Variants in CLDN10 observed in about 807,000 individuals in gnomAD.
The protein encoded by CLDN10 is claudin-10.
CLDN10 carries 15 observed loss-of-function variants against 22.9 expected under a neutral mutation model. The ratio of observed to expected loss-of-function variants is 0.65; its 90% confidence interval spans 0.44 to 1.01. The LOEUF is 1.01. CLDN10 is among the 50% of genes least tolerant of loss of function. CLDN10 has a pLI of 0.00. For missense variants in CLDN10, 247 were observed against 287.8 expected (o/e 0.86, Z 1.03); for synonymous variants, 114 against 111.4 (o/e 1.02, Z -0.15).
chr13:95,513,432 G>A (rs1284531374), intron 1 of CLDN10, among the ~76,000 whole-genome samples: 1 of 152,108 alleles, frequency 6.6e-6, no homozygotes, highest in Admixed American at 6.5e-5. Flanking sequence ...TCTCACTAGA[G>A]GGGTTTAAAC....
intron 1 of CLDN10, among the ~76,000 whole-genome samples, chr13:95,522,845 G>C (rs1372473622): frequency 1.3e-5 from 2 of 151,820 alleles, no homozygotes; most frequent in Non-Finnish European, 2.9e-5. Context: ...GCCCTAAGTA[G>C]TTTGTCTAAT....
At chr13:95,493,632 C>A (rs1300722663) in intron 1 of CLDN10, among the ~76,000 whole-genome samples, 2 of 151,006 alleles carry the variant, frequency 1.3e-5, no homozygotes, top group African/African-American at 4.9e-5. Flanking sequence ...GATCTTGGCT[C>A]CACTGCAACC....
chr13:95,578,104 C>T lies in CLDN10; in HGVS notation c.*90C>T. 1.5e-6 allele frequency: 1 copy of T among 655,418 alleles called. No individual in the cohort carries two copies. Among genetic ancestry groups the T allele is most frequent in the South Asian group, 2.1e-5 (1 of 48,620 alleles). 40.6% of individuals were successfully genotyped at this position (655,418 alleles called of 1,614,324 possible). A position where few individuals can be genotyped will look rare whatever the true frequency, so the allele number is the denominator to read the frequency against. On this transcript the variant is annotated 3_prime_UTR_variant, in exon 5 of 5. Transcript: ENST00000299339. ...CATCAAGGCCCTCCCATAATTAACA[C>T]TCAAAACTATTTTTAAAATATGCAT...
chr13:95,525,047 C>T (rs538220224), intron 1 of CLDN10, among the ~76,000 whole-genome samples: 5 of 151,818 alleles, frequency 3.3e-5, no homozygotes, highest in East Asian at 1.9e-4. Context: ...TTAGTAGAGA[C>T]GGGGTTTCTC....
intron 1 of CLDN10, among the ~76,000 whole-genome samples, chr13:95,477,355 G>T (rs1321098240): frequency 6.6e-6 from 1 of 152,148 alleles, no homozygotes; most frequent in Non-Finnish European, 1.5e-5. Context: ...TCAGATACCT[G>T]GTCCTGGGTG....
intron 3 of CLDN10, among the ~76,000 whole-genome samples, chr13:95,571,147 C>A (rs2043853445): frequency 6.6e-6 from 1 of 152,014 alleles, no homozygotes. Context: ...TAGAAAGCAT[C>A]CACCACAGTG....
intron 1 of CLDN10, among the ~76,000 whole-genome samples, chr13:95,524,456 T>G (rs1435718209): frequency 6.6e-6 from 1 of 152,252 alleles, no homozygotes; most frequent in Non-Finnish European, 1.5e-5. Context: ...ATATAATGCT[T>G]TCAAAAGTCA....
At chr13:95,516,977 TCC>T (rs1421394774) in intron 1 of CLDN10, among the ~76,000 whole-genome samples, 1,457 of 6,550 alleles carry the variant, frequency 0.22, 28 homozygotes, top group African/African-American at 0.3. Context: ...TCTCCTTCCT[TCC>T]TTCCTTCCTT....
rs764942392 is a variant in CLDN10 at position 95,552,790 on chromosome 13, G to A, written c.37G>A (p.Val13Ile). The change falls in exon 1 of 5, where the codon GTC (valine) becomes ATC (isoleucine). Residue 13 changes from valine (V) to isoleucine (I), a missense_variant. Transcript: ENST00000299339. ...STASEIIAFM[V>I]SISGWVLVSS... ...GGCTTCGGAGATCATCGCCTTCATG[G>A]TCTCCATCTCAGGCTGGGTACTGGT... 3.7e-6 allele frequency: 6 copies of A among 1,613,702 alleles called. No individual in the cohort carries two copies. The highest frequency in any genetic ancestry group is 5.1e-6 in the Non-Finnish European group (6 of 1,179,946).
At chr13:95,538,153 C>A (rs199845779) in intron 1 of CLDN10, among the ~76,000 whole-genome samples, 138 of 66,816 alleles carry the variant, frequency 2.1e-3, no homozygotes, top group African/African-American at 8.2e-3. Context: ...CTGTTTATTT[C>A]TTTTTTTTTT....
At chr13:95,442,790 A>G (rs910863633) in intron 1 of CLDN10, among the ~76,000 whole-genome samples, 1 of 152,264 alleles carries the variant, frequency 6.6e-6, no homozygotes, top group Non-Finnish European at 1.5e-5. Context: ...ACTCGAGCAC[A>G]TTACTTAACT....
At chr13:95,577,861 T>A in intron 4 of CLDN10, 39 bp from the exon 5 acceptor site, 5 of 1,365,296 alleles carry the variant, frequency 3.7e-6, no homozygotes, top group Non-Finnish European at 4.2e-6. Context: ...TTGCCCTATG[T>A]GTAGAATAGA....
chr13:95,515,877 C>T (rs1236911840), intron 1 of CLDN10, among the ~76,000 whole-genome samples: 1 of 152,056 alleles, frequency 6.6e-6, no homozygotes, highest in African/African-American at 2.4e-5. Flanking sequence ...AGTTTGAGAC[C>T]AGCCTGGCCA....
chr13:95,503,245 A>G (rs916788229), intron 1 of CLDN10, among the ~76,000 whole-genome samples: 1 of 152,252 alleles, frequency 6.6e-6, no homozygotes, highest in Non-Finnish European at 1.5e-5. Flanking sequence ...AAAAGCCACA[A>G]GAGTGAATGT....
chr13:95,545,582 C>T (rs1020828406), intron 1 of CLDN10, among the ~76,000 whole-genome samples: 4 of 152,084 alleles, frequency 2.6e-5, no homozygotes, highest in Admixed American at 1.3e-4. Flanking sequence ...TCCCAGTTTC[C>T]TCATTTGAAA....
chr13:95,460,251 A>T (rs1272429770), intron 1 of CLDN10, among the ~76,000 whole-genome samples: 2 of 151,978 alleles, frequency 1.3e-5, no homozygotes, highest in Non-Finnish European at 2.9e-5. Flanking sequence ...GAACCTTCCA[A>T]ACTCTTCCAA....
intron 1 of CLDN10, among the ~76,000 whole-genome samples, chr13:95,505,888 G>C (rs1345850707): frequency 6.6e-6 from 1 of 151,332 alleles, no homozygotes; most frequent in Non-Finnish European, 1.5e-5. Context: ...CCAAGTATCT[G>C]GGATTACAGG....
intron 3 of CLDN10, among the ~76,000 whole-genome samples, chr13:95,575,496 A>G (rs1037689934): frequency 6.6e-6 from 1 of 152,082 alleles, no homozygotes; most frequent in Non-Finnish European, 1.5e-5. Context: ...GGTGTGTAAC[A>G]CAATATTTAA....
chr13:95,445,875 C>T (rs1290507845), intron 1 of CLDN10, among the ~76,000 whole-genome samples: 5 of 152,130 alleles, frequency 3.3e-5, no homozygotes, highest in Non-Finnish European at 7.3e-5. Flanking sequence ...GGGTAATAGT[C>T]CCCAACTACT....
Sources: gnomAD v4.1 joint callset for allele counts (sites outside exome capture counted in the v4.1 genomes callset) on GRCh38, gnomAD v4.1.1 for gene constraint, MANE v1.5 for transcripts, NCBI Gene and HGNC (gene_info 2026-07-23, HGNC 2026-07-21) for gene names.